Variants in RNF180 observed in about 807,000 individuals in gnomAD.
RNF180 encodes the protein ring finger protein 180.
Under a neutral mutation model 59.2 loss-of-function variants are expected in RNF180, and 38 were observed. The observed-to-expected ratio is 0.64, with a 90% CI of 0.50 to 0.84. The LOEUF is 0.84. RNF180 is among the 40% of genes least tolerant of loss of function. RNF180 has a pLI of 0.00. For synonymous variants in RNF180, 262 were observed against 240.3 expected, an observed-to-expected ratio of 1.09 and a Z score of -0.84; for missense variants, 705 against 700.9, an observed-to-expected ratio of 1.01 and a Z score of -0.07.
intron 5 of RNF180, among the ~76,000 whole-genome samples, chr5:64,317,689 C>T (rs1744129246): frequency 6.6e-6 from 1 of 151,446 alleles, no homozygotes; most frequent in Admixed American, 6.6e-5. Context: ...GGTCCAAGAC[C>T]CCCCAGTGGA....
intron 5 of RNF180, among the ~76,000 whole-genome samples, chr5:64,249,208 A>G (rs1371067000): frequency 6.6e-6 from 1 of 152,226 alleles, no homozygotes; most frequent in Admixed American, 6.5e-5. Context: ...GCTATGTAAC[A>G]ATCCTGCACA....
At chr5:64,210,712 T>C (rs1302423926) in intron 2 of RNF180, among the ~76,000 whole-genome samples, 6 of 152,142 alleles carry the variant, frequency 3.9e-5, no homozygotes, top group African/African-American at 1.4e-4. Flanking sequence ...CCCTGTTTAT[T>C]AGATGAATTG....
chr5:64,332,750 G>A (rs74850977), intron 7 of RNF180, among the ~76,000 whole-genome samples: 3,591 of 152,242 alleles, frequency 0.024, 127 homozygotes, highest in African/African-American at 0.076. Flanking sequence ...ATGAACTACT[G>A]TGCAGTTTTC....
intron 7 of RNF180, among the ~76,000 whole-genome samples, chr5:64,341,270 C>T (rs1745344774): frequency 6.6e-6 from 1 of 152,084 alleles, no homozygotes; most frequent in South Asian, 2.1e-4. Context: ...CAAAATAATG[C>T]TTTACCTAAC....
At chr5:64,349,607 GC>G (rs1466520747) in intron 7 of RNF180, among the ~76,000 whole-genome samples, 11 of 151,458 alleles carry the variant, frequency 7.3e-5, no homozygotes, top group Admixed American at 2.0e-4. Flanking sequence ...ACCATGACAG[GC>G]CCCAGTGTGT....
chr5:64,249,746 GCAAAGGGGT>G, intron 5 of RNF180, among the ~76,000 whole-genome samples: 1 of 152,116 alleles, frequency 6.6e-6, no homozygotes, highest in African/African-American at 2.4e-5. Flanking sequence ...TTATGTAATG[GCAAAGGGGT>G]CAATTTAGCA....
chr5:64,184,162 GAAACC>G (rs1251885539), intron 1 of RNF180, among the ~76,000 whole-genome samples: 2 of 152,166 alleles, frequency 1.3e-5, no homozygotes, highest in Non-Finnish European at 2.9e-5. Flanking sequence ...GGTCACAGAA[GAAACC>G]AAACCTGCTG....
intron 5 of RNF180, among the ~76,000 whole-genome samples, chr5:64,218,882 T>C (rs997460478): frequency 3.9e-5 from 6 of 152,228 alleles, no homozygotes; most frequent in Non-Finnish European, 7.3e-5. Flanking sequence ...TTAAAAACAC[T>C]ATTTTTGTTT....
At chr5:64,316,698 T>G (rs564688102) in intron 5 of RNF180, among the ~76,000 whole-genome samples, 1 of 152,340 alleles carries the variant, frequency 6.6e-6, no homozygotes, top group Non-Finnish European at 1.5e-5. Flanking sequence ...ACACATTTAG[T>G]ACTTAACCTA....
intron 2 of RNF180, among the ~76,000 whole-genome samples, chr5:64,206,918 A>G (rs1226207238): frequency 1.3e-5 from 2 of 152,106 alleles, no homozygotes; most frequent in East Asian, 1.9e-4. Flanking sequence ...ATAAGTTGCT[A>G]TTGTTTAAGT....
intron 5 of RNF180, among the ~76,000 whole-genome samples, chr5:64,253,975 C>T (rs923242288): frequency 2.6e-5 from 4 of 151,778 alleles, no homozygotes; most frequent in Non-Finnish European, 5.9e-5. Context: ...TTAAATTTAC[C>T]CTTACCACTA....
intron 5 of RNF180, among the ~76,000 whole-genome samples, chr5:64,252,849 A>G (rs1743670642): frequency 6.6e-6 from 1 of 152,122 alleles, no homozygotes; most frequent in Admixed American, 6.6e-5. Context: ...GATGAAGGGC[A>G]GGTTAGATCT....
intron 7 of RNF180, among the ~76,000 whole-genome samples, chr5:64,356,883 A>G (rs1353388333): frequency 6.6e-6 from 1 of 151,888 alleles, no homozygotes; most frequent in Non-Finnish European, 1.5e-5. Flanking sequence ...TAATGAAAAA[A>G]CTTGAAAATA....
intron 5 of RNF180, among the ~76,000 whole-genome samples, chr5:64,230,582 T>G (rs1383102107): frequency 1.3e-5 from 2 of 152,246 alleles, no homozygotes; most frequent in Non-Finnish European, 2.9e-5. Context: ...TCAATCATGA[T>G]AATCTCCTTA....
intron 5 of RNF180, among the ~76,000 whole-genome samples, chr5:64,255,033 T>C (rs1451772881): frequency 4.6e-5 from 7 of 150,890 alleles, no homozygotes. Context: ...AGATCACAAT[T>C]GTTTTGAACT....
rs774586969 is a variant in RNF180, at chr5:64,214,033, G to A, written c.707G>A (p.Ser236Asn). ...RKSHSLDLNI[S>N]EKLTLLPTLY... is the part of the protein sequence containing the mutation. ...TCACATAGTTTGGATCTGAACATCA[G>A]TGAGAAACTGACTTTATTACCCACT... Residue 236 changes from serine (S) to asparagine (N), a missense_variant, in exon 4 of 8, where the codon AGT becomes AAT. Ser to Asn is a conservative substitution (Grantham distance 46). Coordinates refer to ENST00000389100, the MANE Select transcript of RNF180 (RefSeq NM_001113561.2). 140 of 1,614,004 alleles carry A rather than the reference G, an allele frequency of 8.7e-5. No homozygotes were observed. Among genetic ancestry groups the A allele is most frequent in the Non-Finnish European group, 1.2e-4 (138 of 1,180,016 alleles).
At chr5:64,178,298 A>C (rs896184272) in intron 1 of RNF180, among the ~76,000 whole-genome samples, 2 of 151,814 alleles carry the variant, frequency 1.3e-5, no homozygotes, top group African/African-American at 4.8e-5. Context: ...TATATACCCC[A>C]GCCTCACGCT....
intron 7 of RNF180, among the ~76,000 whole-genome samples, chr5:64,334,752 A>C (rs557169484): frequency 6.6e-6 from 1 of 152,206 alleles, no homozygotes; most frequent in Non-Finnish European, 1.5e-5. Context: ...TCTTTTTACT[A>C]CTACACTGTA....
At chr5:64,365,809 C>T (rs372318852) in intron 7 of RNF180, among the ~76,000 whole-genome samples, 21 of 151,366 alleles carry the variant, frequency 1.4e-4, no homozygotes, top group Non-Finnish European at 2.4e-4. Context: ...CTTTTTTATG[C>T]TTTCCATTTG....
Sources: allele counts gnomAD v4.1 joint callset (sites outside exome capture counted in the v4.1 genomes callset), GRCh38; gene constraint gnomAD v4.1.1; transcripts MANE v1.5; gene names NCBI Gene and HGNC (gene_info 2026-07-23, HGNC 2026-07-21).